FAM107B: variants seen among roughly 807,000 people sequenced by gnomAD.
The protein encoded by FAM107B is family with sequence similarity 107 member B.
In FAM107B, 21 loss-of-function variants were observed where a neutral mutation model predicts 31.5. That is an observed-to-expected ratio of 0.67 (90% CI 0.47 to 0.96). The LOEUF (loss-of-function observed/expected upper bound fraction) is 0.96. Ranked by LOEUF, FAM107B falls within the 40% of genes least tolerant of loss-of-function variation. The pLI, the probability that FAM107B is intolerant of heterozygous loss-of-function variation, is 0.00. For synonymous variants in FAM107B, 157 were observed against 141.5 expected (o/e 1.11, Z -0.78); for missense variants, 452 against 377.1 (o/e 1.20, Z -1.64).
chr10:14,577,699 T>A (rs1588627644), intron 2 of FAM107B, among the ~76,000 whole-genome samples: 1 of 152,184 alleles, frequency 6.6e-6, no homozygotes, highest in East Asian at 1.9e-4. Context: ...GAAACTCAGA[T>A]CTGTAAACCT....
At chr10:14,625,770 A>G (rs1853144584) in intron 2 of FAM107B, among the ~76,000 whole-genome samples, 2 of 151,900 alleles carry the variant, frequency 1.3e-5, no homozygotes, top group Non-Finnish European at 2.9e-5. Context: ...CAGAAGAATA[A>G]CTGAATTAAA....
At chr10:14,680,535 C>T (rs1279107102) in intron 1 of FAM107B, among the ~76,000 whole-genome samples, 1 of 148,568 alleles carries the variant, frequency 6.7e-6, no homozygotes, top group Non-Finnish European at 1.5e-5. Context: ...AATCATGCCA[C>T]TGCACTCCAG....
chr10:14,644,187 T>C (rs1268655850), intron 2 of FAM107B, among the ~76,000 whole-genome samples: 2 of 152,242 alleles, frequency 1.3e-5, no homozygotes, highest in African/African-American at 2.4e-5. Context: ...AAATTTACAA[T>C]GATACAATGA....
chr10:14,586,000 A>C (rs1851815069), intron 2 of FAM107B, among the ~76,000 whole-genome samples: 1 of 152,160 alleles, frequency 6.6e-6, no homozygotes, highest in Non-Finnish European at 1.5e-5. Context: ...CTGACCCTGG[A>C]TCCCTCTTGC....
chr10:14,723,208 T>C lies in FAM107B; in HGVS notation c.411+51045A>G, dbSNP rs531694139. ...GGTTGCTCCTAACCATTCAGTGGCC[T>C]GAGCAGTGGGAGCCACAGATCAGTC... On this transcript the variant is annotated intron_variant, in intron 1 of 4. Transcript: ENST00000181796. The C allele has an allele frequency of 2.9e-4, 150 of 525,546 alleles. 1 individual carries two copies. Among genetic ancestry groups the C allele is most frequent in the Middle Eastern group, 2.4e-3 (4 of 1,680 alleles). The allele number at this position is 525,546 out of a possible 1,614,324, so 32.6% of individuals were successfully genotyped here. A position where few individuals can be genotyped will look rare whatever the true frequency, so the allele number is the denominator to read the frequency against.
At chr10:14,565,829 T>C (rs942511120) in intron 2 of FAM107B, among the ~76,000 whole-genome samples, 1 of 150,506 alleles carries the variant, frequency 6.6e-6, no homozygotes, top group Non-Finnish European at 1.5e-5. Flanking sequence ...CAGGGGAGAG[T>C]GTCTCAGGCG....
intron 1 of FAM107B, among the ~76,000 whole-genome samples, chr10:14,758,692 C>A (rs1832977540): frequency 6.6e-6 from 1 of 151,860 alleles, no homozygotes; most frequent in Non-Finnish European, 1.5e-5. Context: ...CCTGAGAAAT[C>A]CAGGAGTGTG....
intron 2 of FAM107B, among the ~76,000 whole-genome samples, chr10:14,611,484 TTATATATATATATA>T (rs3035276): frequency 0.098 from 12,213 of 124,538 alleles, 660 homozygotes; most frequent in African/African-American, 0.15. Context: ...AATGCCAGTT[TTATATATATATATA>T]TATATATATA....
chr10:14,680,208 C>G (rs1854797097), intron 1 of FAM107B, among the ~76,000 whole-genome samples: 1 of 152,084 alleles, frequency 6.6e-6, no homozygotes, highest in Non-Finnish European at 1.5e-5. Context: ...GAACTCTGAG[C>G]TAGCAACAGT....
intron 1 of FAM107B, among the ~76,000 whole-genome samples, chr10:14,682,950 C>T (rs907170671): frequency 5.3e-5 from 8 of 152,042 alleles, no homozygotes; most frequent in African/African-American, 1.7e-4. Context: ...GAAGCTCGAA[C>T]GTGGAATCCC....
At chr10:14,671,732 C>T (rs965727117) in intron 1 of FAM107B, among the ~76,000 whole-genome samples, 5 of 152,190 alleles carry the variant, frequency 3.3e-5, no homozygotes, top group Admixed American at 6.5e-5. Context: ...AACTGAAGCC[C>T]ACACAAAGGA....
chr10:14,635,244 G>A (rs907240019), intron 2 of FAM107B, among the ~76,000 whole-genome samples: 4 of 152,106 alleles, frequency 2.6e-5, no homozygotes, highest in Admixed American at 6.6e-5. Context: ...AGCGGAAGAG[G>A]AGAAATATGC....
At chr10:14,527,100 G>C (rs1050166866) in intron 3 of FAM107B, among the ~76,000 whole-genome samples, 1 of 151,446 alleles carries the variant, frequency 6.6e-6, no homozygotes, top group Non-Finnish European at 1.5e-5. Flanking sequence ...GCCTCCCAAA[G>C]TGCTGGGATT....
intron 2 of FAM107B, among the ~76,000 whole-genome samples, chr10:14,542,257 G>C (rs1294076800): frequency 7.0e-6 from 1 of 143,130 alleles, no homozygotes; most frequent in Non-Finnish European, 1.5e-5. Context: ...GCAATGCAGT[G>C]AGACTCCATC....
rs1428340919 is a variant in FAM107B, at chr10:14,543,107, T to C, written c.470-12592A>G. ...TATTAAGTGATTTGGAGTTTCTCTC[T>C]CCTATGTAAAGTAGCTTGATGAAAT... is the stretch of plus-strand genomic sequence containing the variant. On this transcript the variant is annotated intron_variant, in intron 2 of 4. Coordinates refer to ENST00000181796, the MANE Select transcript of FAM107B (RefSeq NM_031453.4). Among the ~76,000 whole-genome samples, 7 of 152,130 alleles carry C rather than the reference T, an allele frequency of 4.6e-5. No individual in the cohort carries two copies. The East Asian group carries it at 1.4e-3, about 29-fold the overall frequency.
chr10:14,626,421 G>A (rs944146951), intron 2 of FAM107B, among the ~76,000 whole-genome samples: 1 of 150,776 alleles, frequency 6.6e-6, no homozygotes, highest in African/African-American at 2.4e-5. Flanking sequence ...TACTTCTGCT[G>A]TTTGGTTTCT....
At chr10:14,671,491 G>T (rs950160591) in intron 1 of FAM107B, among the ~76,000 whole-genome samples, 1 of 152,120 alleles carries the variant, frequency 6.6e-6, no homozygotes, top group African/African-American at 2.4e-5. Flanking sequence ...CAAATGGCAC[G>T]AGCTTCCCGA....
chr10:14,768,243 T>C (rs1185647313), intron 1 of FAM107B, among the ~76,000 whole-genome samples: 1 of 152,224 alleles, frequency 6.6e-6, no homozygotes, highest in Admixed American at 6.5e-5. Flanking sequence ...ATATATTTAA[T>C]GCAACCCCTA....
intron 2 of FAM107B, among the ~76,000 whole-genome samples, chr10:14,568,595 C>A (rs1850904975): frequency 6.6e-6 from 1 of 150,454 alleles, no homozygotes; most frequent in African/African-American, 2.4e-5. Context: ...AGGGTTAGAC[C>A]AGGAGGTGAA....
Sources: allele counts gnomAD v4.1 joint callset (sites outside exome capture counted in the v4.1 genomes callset), GRCh38; gene constraint gnomAD v4.1.1; transcripts MANE v1.5; gene names NCBI Gene and HGNC (gene_info 2026-07-23, HGNC 2026-07-21).